HERC3: variants seen among roughly 807,000 people sequenced by gnomAD.
HERC3 encodes probable E3 ubiquitin-protein ligase HERC3.
A neutral mutation model predicts 129.9 loss-of-function variants in HERC3; 58 were observed. That is an observed-to-expected ratio of 0.45 (90% CI 0.36 to 0.56). The LOEUF (loss-of-function observed/expected upper bound fraction) is 0.56, where lower values mean the gene tolerates loss of function less well. HERC3 is among the 20% of genes least tolerant of loss of function. The pLI is 0.00. For missense variants in HERC3, 835 were observed against 1,244.2 expected, an observed-to-expected ratio of 0.67 and a Z score of 4.95; for synonymous variants, 430 against 451.0, an observed-to-expected ratio of 0.95 and a Z score of 0.59.
chr4:88,532,743 A>G, the HERC3 span, among the ~76,000 whole-genome samples: 1 of 152,234 alleles, frequency 6.6e-6, no homozygotes, highest in African/African-American at 2.4e-5. Context: ...TAGAAGTACT[A>G]ACAAGTACTC....
chr4:88,657,446 C>A (rs1730030749), intron 9 of HERC3: 1 of 152,102 alleles, frequency 6.6e-6, no homozygotes, highest in Non-Finnish European at 1.5e-5. Context: ...GGCTTTGTGT[C>A]CTCTTCTCTG....
the HERC3 span, among the ~76,000 whole-genome samples, chr4:88,569,425 T>A: frequency 1.3e-5 from 2 of 152,218 alleles, no homozygotes; most frequent in African/African-American, 4.8e-5. Context: ...TAAACCCAGG[T>A]ACTGTGATTG....
the HERC3 span, among the ~76,000 whole-genome samples, chr4:88,544,358 A>G: frequency 6.6e-6 from 1 of 152,348 alleles, no homozygotes; most frequent in East Asian, 1.9e-4. Context: ...GCAAATCAAA[A>G]CCACAATGAG....
chr4:88,568,254 C>G, the HERC3 span, among the ~76,000 whole-genome samples: 2 of 152,184 alleles, frequency 1.3e-5, no homozygotes, highest in African/African-American at 4.8e-5. Flanking sequence ...GGGTCTCTCC[C>G]TAGGCCTGTG....
chr4:88,562,539 C>G, the HERC3 span, among the ~76,000 whole-genome samples: 1 of 152,042 alleles, frequency 6.6e-6, no homozygotes, highest in African/African-American at 2.4e-5. Context: ...GCTTTAATTG[C>G]CTGTGCTTTG....
chr4:88,601,999 T>C (rs1332738050), intron 2 of HERC3, among the ~76,000 whole-genome samples: 1 of 120,636 alleles, frequency 8.3e-6, no homozygotes, highest in South Asian at 2.8e-4. Flanking sequence ...GAGCTTGCAG[T>C]GAGCCGAGAT....
chr4:88,604,378 A>G (rs1723384982), intron 2 of HERC3, among the ~76,000 whole-genome samples: 1 of 152,212 alleles, frequency 6.6e-6, no homozygotes, highest in Non-Finnish European at 1.5e-5. Flanking sequence ...ACCATGTTTT[A>G]AAACCATCAC....
chr4:88,637,054 G>A (rs974214185), intron 3 of HERC3, among the ~76,000 whole-genome samples: 4 of 151,532 alleles, frequency 2.6e-5, no homozygotes, highest in Admixed American at 6.6e-5. Flanking sequence ...GCTTGAATCC[G>A]GGAGGCAGAG....
the HERC3 span, among the ~76,000 whole-genome samples, chr4:88,531,172 A>AAAAATTTTTTAAATTTTTAAAATTT: frequency 6.6e-6 from 1 of 151,798 alleles, no homozygotes; most frequent in Non-Finnish European, 1.5e-5. Flanking sequence ...TAGTATTTTT[A>AAAAATTTTTTAAATTTTTAAAATTT]AAAATTTTTT....
At chr4:88,676,161 G>A (rs2298737) in intron 16 of HERC3, 57 bp from the exon 17 acceptor site, 39,934 of 1,265,298 alleles carry the variant, frequency 0.032, 817 homozygotes, top group Middle Eastern at 0.082. Flanking sequence ...CTTTTGGAGG[G>A]ATTAAAATTC....
the HERC3 span, among the ~76,000 whole-genome samples, chr4:88,535,641 G>T: frequency 6.6e-6 from 1 of 152,076 alleles, no homozygotes; most frequent in African/African-American, 2.4e-5. Flanking sequence ...ATGATGAAGG[G>T]CATCCCAAGG....
the HERC3 span, among the ~76,000 whole-genome samples, chr4:88,579,999 T>G: frequency 6.0e-4 from 91 of 152,326 alleles, no homozygotes; most frequent in African/African-American, 2.1e-3. Context: ...ATAAGACTCA[T>G]TTCAGACTTC....
At chr4:88,567,518 G>T in the HERC3 span, among the ~76,000 whole-genome samples, 1 of 151,722 alleles carries the variant, frequency 6.6e-6, no homozygotes, top group Admixed American at 6.6e-5. Context: ...TTTTAAATAG[G>T]CTGTCTTTAA....
At chr4:88,656,108 A>G (rs1045213999) in intron 9 of HERC3, 73 bp downstream of exon 9, 3 of 1,456,166 alleles carry the variant, frequency 2.1e-6, no homozygotes, top group Admixed American at 1.9e-5. Context: ...ATATGTATCT[A>G]TTACTTACTT....
At chr4:88,659,671 A>G (rs2924933) in intron 10 of HERC3, among the ~76,000 whole-genome samples, 8,151 of 152,308 alleles carry the variant, frequency 0.054, 574 homozygotes, top group East Asian at 0.26. Flanking sequence ...TCAATAAAAC[A>G]AAATACAAAA....
At chr4:88,677,854 T>C in intron 18 of HERC3, 110 bp from the exon 19 acceptor site, 1 of 891,166 alleles carries the variant, frequency 1.1e-6, no homozygotes, top group South Asian at 1.6e-5. Context: ...GGAAAAAAAT[T>C]AACAAAATGG....
the HERC3 span, among the ~76,000 whole-genome samples, chr4:88,565,141 C>T: frequency 6.6e-6 from 1 of 151,894 alleles, no homozygotes; most frequent in Non-Finnish European, 1.5e-5. Context: ...TGTTTTGTGG[C>T]CTTATTCTCA....
intron 3 of HERC3, among the ~76,000 whole-genome samples, chr4:88,636,982 A>T (rs1347113738): frequency 6.6e-6 from 1 of 152,154 alleles, no homozygotes; most frequent in Admixed American, 6.5e-5. Context: ...TACAAAAATT[A>T]GCCAGGTGTG....
At chr4:88,687,156 G>T in intron 22 of HERC3, 61 bp from the exon 23 acceptor site, 1 of 1,307,402 alleles carries the variant, frequency 7.6e-7, no homozygotes, top group Non-Finnish European at 1.1e-6. Context: ...AGTCATTTGA[G>T]TTCTAGAAAG....
Sources: allele counts gnomAD v4.1 joint callset (sites outside exome capture counted in the v4.1 genomes callset), GRCh38; gene constraint gnomAD v4.1.1; transcripts MANE v1.5; gene names NCBI Gene and HGNC (gene_info 2026-07-23, HGNC 2026-07-21).